WNT11: variants seen among roughly 807,000 people sequenced by gnomAD.
WNT11 encodes protein Wnt-11.
WNT11 carries 20 observed loss-of-function variants against 35.6 expected under a neutral mutation model. The observed-to-expected ratio is 0.56, with a 90% CI of 0.40 to 0.82. The LOEUF is 0.82. WNT11 is among the 40% of genes least tolerant of loss of function. The probability of loss-of-function intolerance (pLI) is 0.00; values close to 1 mark genes in which losing one functional copy is unlikely to be tolerated. For synonymous variants in WNT11, 200 were observed against 211.9 expected, an observed-to-expected ratio of 0.94 and a Z score of 0.49; for missense variants, 459 against 504.4, an observed-to-expected ratio of 0.91 and a Z score of 0.86.
At chr11:76,188,588 G>C (rs1953132315) in intron 4 of WNT11, among the ~76,000 whole-genome samples, 1 of 152,252 alleles carries the variant, frequency 6.6e-6, no homozygotes. Flanking sequence ...CAGGGACAAA[G>C]GGTCCCCACA....
At chr11:76,210,153 G>A (rs1412888871), upstream of WNT11, among the ~76,000 whole-genome samples, 3 of 151,638 alleles carry the variant, frequency 2.0e-5, no homozygotes, top group African/African-American at 7.3e-5. Flanking sequence ...GGAGGGGGTC[G>A]CCTGGGGTGC....
chr11:76,195,345 A>C (rs892974364), intron 2 of WNT11, among the ~76,000 whole-genome samples: 3 of 152,244 alleles, frequency 2.0e-5, no homozygotes, highest in Non-Finnish European at 2.9e-5. Flanking sequence ...GCCCTAGGCC[A>C]GTGGCTGGTG....
At chr11:76,205,240 C>T (rs1240873583) in intron 1 of WNT11, among the ~76,000 whole-genome samples, 1 of 152,204 alleles carries the variant, frequency 6.6e-6, no homozygotes, top group African/African-American at 2.4e-5. Context: ...GCCACTATCA[C>T]CCTGTCTTCC....
At chr11:76,202,280 TGAG>T (rs1231149071) in intron 1 of WNT11, among the ~76,000 whole-genome samples, 1 of 152,144 alleles carries the variant, frequency 6.6e-6, no homozygotes, top group African/African-American at 2.4e-5. Context: ...GCTTCTGGGA[TGAG>T]GAGGATGCTG....
chr11:76,205,184 A>G (rs925395394), intron 1 of WNT11, among the ~76,000 whole-genome samples: 2 of 152,186 alleles, frequency 1.3e-5, no homozygotes, highest in Non-Finnish European at 2.9e-5. Flanking sequence ...ACTTGGCCTG[A>G]GAAGGGGCAG....
intron 4 of WNT11, among the ~76,000 whole-genome samples, chr11:76,188,575 T>C (rs1021266036): frequency 2.6e-5 from 4 of 152,244 alleles, no homozygotes; most frequent in African/African-American, 9.6e-5. Flanking sequence ...GCTGGGGCAC[T>C]GACAGGGACA....
rs117132069 is a variant in WNT11 at position 76,187,188 on chromosome 11, G to A, written c.942C>T (p.Cys314=). Residue 314 remains cysteine, a synonymous_variant, in exon 5 of 5, where the codon TGC becomes TGT. Coordinates refer to ENST00000322563, the MANE Select transcript of WNT11 (RefSeq NM_004626.3). ...NGSDSCDLMC[C]GRGYNPYTDR... is the part of the protein sequence containing the mutation. ...CTGTGTAGGGGTTGTAGCCACGCCCGCAGCACATAAGGTCGCAGCTGTCGC... is the reference window on the plus strand; with the variant it reads ...CTGTGTAGGGGTTGTAGCCACGCCCACAGCACATAAGGTCGCAGCTGTCGC... 9.8e-4 allele frequency: 1,572 copies of A among 1,609,672 alleles called. 1 individual carries two copies. Among genetic ancestry groups the A allele is most frequent in the Non-Finnish European group, 1.2e-3 (1,442 of 1,179,972 alleles).
At position 76,196,574 on chromosome 11, in the gene WNT11, G is replaced by A. The variant is rs768624167; in HGVS notation, c.228C>T (p.Val76=). ...CAAAGGCCCGGCGACAGGCCTTCAT[G>A]ACCTCGCGGGCGGCGTGCACCACCG... ...MHTVVHAARE[V]MKACRRAFAD... The change falls in exon 2 of 5, where the codon GTC becomes GTT. Residue 76 remains valine, a synonymous_variant. Coordinates refer to ENST00000322563, the MANE Select transcript of WNT11 (RefSeq NM_004626.3). 3.7e-6 allele frequency: 6 copies of A among 1,613,656 alleles called. No homozygotes were observed. The Admixed American group carries it at 6.7e-5, about 18-fold the overall frequency.
intron 3 of WNT11, 29 bp from the exon 4 acceptor site, chr11:76,191,885 T>C (rs1209613831): frequency 6.3e-7 from 1 of 1,578,754 alleles, no homozygotes; most frequent in African/African-American, 1.3e-5. Flanking sequence ...GTCAGCTGGG[T>C]GGCCAGAGTC....
At position 76,202,601 on chromosome 11, in the gene WNT11, A is replaced by G. The variant is rs776081618; in HGVS notation, c.83+3724T>C. On this transcript the variant is annotated intron_variant, in intron 1 of 4. Coordinates refer to ENST00000322563, the MANE Select transcript of WNT11 (RefSeq NM_004626.3). ...GCAACCTTGGGGAAGCTCTCCCTCC[A>G]CGACTCCTCAATTAACTCTTCAATT... is the stretch of plus-strand genomic sequence containing the variant. Among the ~76,000 whole-genome samples, 47 of 152,070 alleles carry G rather than the reference A, an allele frequency of 3.1e-4. 1 individual carries two copies. Among genetic ancestry groups the G allele is most frequent in the Non-Finnish European group, 7.4e-5 (5 of 68,002 alleles).
chr11:76,202,614 T>C (rs976260282), intron 1 of WNT11, among the ~76,000 whole-genome samples: 2 of 152,066 alleles, frequency 1.3e-5, no homozygotes, highest in East Asian at 3.9e-4. Flanking sequence ...ACTCCTCAAT[T>C]AACTCTTCAA....
At chr11:76,210,179 G>A (rs528585037), upstream of WNT11, among the ~76,000 whole-genome samples, 3 of 151,952 alleles carry the variant, frequency 2.0e-5, no homozygotes, top group Non-Finnish European at 4.4e-5. Context: ...CAGAAGAGGG[G>A]GGCCGGGCCG....
At position 76,194,521 on chromosome 11, in the gene WNT11, A is replaced by G. The variant is rs764286493; in HGVS notation, c.597+46T>C. The G allele has an allele frequency of 2.7e-5, 39 of 1,452,388 alleles. No homozygotes were observed. Among genetic ancestry groups the G allele is most frequent in the Admixed American group, 7.0e-5 (3 of 42,884 alleles). 90.0% of individuals were successfully genotyped at this position (1,452,388 alleles called of 1,614,324 possible). A position where few individuals can be genotyped will look rare whatever the true frequency, so the allele number is the denominator to read the frequency against. On this transcript the variant is annotated intron_variant, in intron 3 of 4. Transcript: ENST00000322563. This position sits in a 1 kb window ranked among gnomAD's most constrained non-coding sequence, Gnocchi z 5.4. ...AAGCTGGGTGGCCCTTTTCTGGCCA[A>G]TGGCACAAGCACAACTATCTGGGGG...
chr11:76,192,491 A>G (rs1244635131), intron 3 of WNT11, among the ~76,000 whole-genome samples: 3 of 152,244 alleles, frequency 2.0e-5, no homozygotes, highest in Non-Finnish European at 4.4e-5. Flanking sequence ...AGCAAGCCAC[A>G]TCGCCACTCA....
intron 1 of WNT11, among the ~76,000 whole-genome samples, chr11:76,204,114 CAT>C (rs1475391694): frequency 1.3e-5 from 2 of 152,152 alleles, no homozygotes; most frequent in Non-Finnish European, 2.9e-5. Flanking sequence ...AAAGTGAGGC[CAT>C]GTGTGTGTAG....
In WNT11 at chr11:76,196,387, C is replaced by A. The variant is rs911874347; in HGVS notation, c.319+96G>T. 20 of 1,379,904 alleles carry A rather than the reference C, an allele frequency of 1.4e-5. No homozygotes were observed. The African/African-American group carries it at 2.3e-4, about 16-fold the overall frequency. The allele number at this position is 1,379,904 out of a possible 1,614,324, so 85.5% of individuals were successfully genotyped here. ...CATCCATGAATCCATCATCCACCCACCCATGAACCCATCCCTCCATCTAAA... is the reference window on the plus strand; with the variant it reads ...CATCCATGAATCCATCATCCACCCAACCATGAACCCATCCCTCCATCTAAA... On this transcript the variant is annotated intron_variant, in intron 2 of 4. Coordinates refer to ENST00000322563, the MANE Select transcript of WNT11 (RefSeq NM_004626.3).
chr11:76,197,673 G>A lies in WNT11; in HGVS notation c.84-955C>T, dbSNP rs923584503. ...GCTGCTGACTTCATCCACCTCGTCC[G>A]TGCTTTGGGAAACGTTAGCCTGGTG... On this transcript the variant is annotated intron_variant, in intron 1 of 4. Coordinates refer to ENST00000322563, the MANE Select transcript of WNT11 (RefSeq NM_004626.3). Among the ~76,000 whole-genome samples, 9 of 152,224 alleles carry A rather than the reference G, an allele frequency of 5.9e-5. No homozygotes were observed. In the East Asian group the frequency reaches 1.3e-3, roughly 23 times the overall value.
chr11:76,194,535 A>G lies in WNT11; in HGVS notation c.597+32T>C. The G allele has an allele frequency of 7.1e-7, 1 of 1,416,544 alleles. No homozygotes were observed. The highest frequency in any genetic ancestry group is 2.8e-5 in the East Asian group (1 of 35,556). 87.7% of individuals were successfully genotyped at this position (1,416,544 alleles called of 1,614,324 possible). Reference sequence around the variant, plus strand: ...TTTTCTGGCCAATGGCACAAGCACAACTATCTGGGGGTGGGTGGGGTGGGT... The same window carrying G: ...TTTTCTGGCCAATGGCACAAGCACAGCTATCTGGGGGTGGGTGGGGTGGGT... On this transcript the variant is annotated intron_variant, in intron 3 of 4. Transcript: ENST00000322563. This position sits in a 1 kb window ranked among gnomAD's most constrained non-coding sequence, Gnocchi z 5.4.
rs765118383 is a variant in WNT11 at position 76,187,071 on chromosome 11, G to A, written c.1059C>T (p.Cys353=). ...TGGGGCGGAGGGCAGGGCCTCACTT[G>A]CAGACATAGCGCTCCACGGTACGCT... ...RCERTVERYV[C]K Residue 353 remains cysteine (C), a synonymous_variant, in exon 5 of 5, where the codon TGC becomes TGT. Transcript: ENST00000322563. The A allele has an allele frequency of 6.2e-7, 1 of 1,610,404 alleles. No individual in the cohort carries two copies. The highest frequency in any genetic ancestry group is 1.7e-5 in the Admixed American group (1 of 60,030).
Sources: allele counts gnomAD v4.1 joint callset (sites outside exome capture counted in the v4.1 genomes callset), GRCh38; gene constraint gnomAD v4.1.1; non-coding constraint Gnocchi (gnomAD v3.1); transcripts MANE v1.5; gene names NCBI Gene and HGNC (gene_info 2026-07-23, HGNC 2026-07-21).